Variants in SLC22A14 observed in about 807,000 individuals in gnomAD.
SLC22A14 encodes organic cation transporter-like 4.
A neutral mutation model predicts 53.9 loss-of-function variants in SLC22A14; 50 were observed. The observed-to-expected ratio is 0.93, with a 90% CI of 0.74 to 1.17. The LOEUF is 1.17. Among genes scored for constraint, SLC22A14 ranks in the 50% most tolerant of loss-of-function variants. SLC22A14 has a pLI of 0.00. For synonymous variants in SLC22A14, 312 were observed against 303.0 expected (o/e 1.03, Z -0.31); for missense variants, 671 against 734.7 (o/e 0.91, Z 1.00).
chr3:38,318,313 C>A lies in SLC22A14; in HGVS notation c.*64C>A. The A allele has an allele frequency of 1.4e-6, 2 of 1,430,140 alleles. No individual in the cohort carries two copies. Among genetic ancestry groups the A allele is most frequent in the Non-Finnish European group, 2.0e-6 (2 of 1,012,150 alleles). The allele number at this position is 1,430,140 out of a possible 1,614,324, so 88.6% of individuals were successfully genotyped here. On this transcript the variant is annotated 3_prime_UTR_variant, in exon 11 of 11. Transcript: ENST00000448498. ...TGAGATTGGACCCATACCCTGTCTCCAACCCTGCCTTGAAGCAATTCAATA... is the reference window on the plus strand; with the variant it reads ...TGAGATTGGACCCATACCCTGTCTCAAACCCTGCCTTGAAGCAATTCAATA...
chr3:38,316,184 A>G (rs555991144), intron 9 of SLC22A14, 140 bp from the exon 10 acceptor site: 1 of 734,438 alleles, frequency 1.4e-6, no homozygotes, highest in African/African-American at 1.8e-5. Flanking sequence ...GCCCAGAAGA[A>G]ATTATTGCCT....
Position 38,316,418 on chromosome 3 carries a change from T to A in SLC22A14, c.1627T>A (p.Phe543Ile). The A allele has an allele frequency of 1.2e-6, 2 of 1,614,176 alleles. No individual in the cohort carries two copies. Among genetic ancestry groups the A allele is most frequent in the South Asian group, 2.2e-5 (2 of 91,080 alleles). The change falls in exon 10 of 11, where the codon TTT becomes ATT. Residue 543 changes from phenylalanine (F) to isoleucine (I), a missense_variant. By Grantham distance (21) the Phe-to-Ile change is conservative. Transcript: ENST00000448498. ...CCAGACCCCCTCCCTCCTGCCCATC[T>A]TTCTCTGCTGCGTCTTAGCCATCGT... ...ISQTPSLLPI[F>I]LCCVLAIVAF...
At chr3:38,283,549 G>A (rs554478755) in intron 1 of SLC22A14, among the ~76,000 whole-genome samples, 3 of 152,340 alleles carry the variant, frequency 2.0e-5, no homozygotes, top group African/African-American at 7.2e-5. Flanking sequence ...AGTAGCAGGA[G>A]CCGGGTGCAG....
intron 6 of SLC22A14, 51 bp downstream of exon 6, chr3:38,313,170 GC>G (rs1559554014): frequency 1.9e-6 from 3 of 1,599,540 alleles, no homozygotes; most frequent in Non-Finnish European, 2.6e-6. Context: ...CTGTGGAAGG[GC>G]CCCTTCCCTC....
chr3:38,282,604 G>T (rs1432162071), intron 1 of SLC22A14, among the ~76,000 whole-genome samples: 6 of 152,130 alleles, frequency 3.9e-5, no homozygotes, highest in African/African-American at 1.4e-4. Context: ...CTTCTCCCAG[G>T]CCTCAGTTAC....
At chr3:38,285,492 G>A (rs1703772445) in intron 1 of SLC22A14, among the ~76,000 whole-genome samples, 1 of 152,096 alleles carries the variant, frequency 6.6e-6, no homozygotes, top group Non-Finnish European at 1.5e-5. Context: ...TTTATTGCAT[G>A]ACATACTGAA....
At chr3:38,309,166 G>A (rs1202631793) in intron 5 of SLC22A14, 44 bp downstream of exon 5, 2 of 1,549,684 alleles carry the variant, frequency 1.3e-6, no homozygotes, top group Non-Finnish European at 8.9e-7. Context: ...GGGTCTGATG[G>A]GCTGGATGTC....
intron 1 of SLC22A14, among the ~76,000 whole-genome samples, chr3:38,284,277 TGGCCCTAGCCTTGGCTAG>T (rs1286082638): frequency 6.6e-6 from 1 of 152,224 alleles, no homozygotes; most frequent in Non-Finnish European, 1.5e-5. Context: ...CTTCTGAAAG[TGGCCCTAGCCTTGGCTAG>T]GGCTAGTGGG....
chr3:38,318,080 T>A, intron 10 of SLC22A14, 118 bp from the exon 11 acceptor site: 3 of 872,288 alleles, frequency 3.4e-6, no homozygotes, highest in Non-Finnish European at 3.8e-6. Context: ...CCTGCCGGAG[T>A]GAGAAAGCCT....
chr3:38,318,337 TAAAG>T lies in SLC22A14; in HGVS notation c.*90_*93del. The T allele has an allele frequency of 3.8e-6, 5 of 1,298,750 alleles. No individual in the cohort carries two copies. Among genetic ancestry groups the T allele is most frequent in the Non-Finnish European group, 5.6e-6 (5 of 894,404 alleles). 80.5% of individuals were successfully genotyped at this position (1,298,750 alleles called of 1,614,324 possible). A position where few individuals can be genotyped will look rare whatever the true frequency, so the allele number is the denominator to read the frequency against. ...CCAACCCTGCCTTGAAGCAATTCAA[TAAAG>T]AGGAAGCAAACAGCCAGGCTCCCTG... On this transcript the variant is annotated 3_prime_UTR_variant, in exon 11 of 11. Coordinates refer to ENST00000448498, the MANE Select transcript of SLC22A14 (RefSeq NM_001320033.2).
chr3:38,296,551 TG>T (rs1209927513), intron 1 of SLC22A14, among the ~76,000 whole-genome samples: 5 of 150,754 alleles, frequency 3.3e-5, no homozygotes, highest in Admixed American at 2.0e-4. Context: ...AAAATGTTAC[TG>T]GGGGTCCTTG....
intron 1 of SLC22A14, among the ~76,000 whole-genome samples, chr3:38,292,668 C>T (rs1330975108): frequency 6.6e-6 from 1 of 152,062 alleles, no homozygotes; most frequent in African/African-American, 2.4e-5. Context: ...TTAATTTGAA[C>T]AGGACGGGAA....
At chr3:38,291,435 A>G (rs1319499173) in intron 1 of SLC22A14, among the ~76,000 whole-genome samples, 1 of 152,228 alleles carries the variant, frequency 6.6e-6, no homozygotes, top group East Asian at 1.9e-4. Flanking sequence ...AGAGGCTGAT[A>G]TTTAAGCAAA....
At position 38,313,078 on chromosome 3, in the gene SLC22A14, A is replaced by G. The variant is rs201930190; in HGVS notation, c.1024A>G (p.Ser342Gly). Residue 342 changes from serine to glycine, a missense_variant, in exon 6 of 11, where the codon AGT becomes GGT. Transcript: ENST00000448498. ...CAAGCAGGTGCTGTGCTACGCCGCA[A>G]GTGTGAACAAGAAGACCATTCCTTC... Reference protein sequence around the residue: ...EAKQVLCYAASVNKKTIPSNL... With the variant: ...EAKQVLCYAAGVNKKTIPSNL... 1.6e-5 allele frequency: 26 copies of G among 1,606,748 alleles called. No homozygotes were observed. Among genetic ancestry groups the G allele is most frequent in the African/African-American group, 4.0e-5 (3 of 75,000 alleles).
At chr3:38,301,220 G>T (rs1704153101) in intron 1 of SLC22A14, among the ~76,000 whole-genome samples, 1 of 152,328 alleles carries the variant, frequency 6.6e-6, no homozygotes, top group African/African-American at 2.4e-5. Context: ...ACATGTGCAA[G>T]ACATAAACAA....
intron 1 of SLC22A14, among the ~76,000 whole-genome samples, chr3:38,292,474 C>T (rs1311142288): frequency 6.6e-6 from 1 of 152,096 alleles, no homozygotes; most frequent in Non-Finnish European, 1.5e-5. Flanking sequence ...TCCTGAGATC[C>T]TGCACTAACC....
intron 1 of SLC22A14, among the ~76,000 whole-genome samples, chr3:38,291,875 A>G (rs1027953831): frequency 1.8e-4 from 27 of 152,220 alleles, no homozygotes; most frequent in African/African-American, 6.0e-4. Context: ...CTATTTCGCC[A>G]TACCTGGGAA....
At chr3:38,280,016 A>C (rs1301892773), upstream of SLC22A14, among the ~76,000 whole-genome samples, 1 of 152,202 alleles carries the variant, frequency 6.6e-6, no homozygotes, top group Non-Finnish European at 1.5e-5. Context: ...AATAGGTTGG[A>C]ACCAATGTGG....
Position 38,307,551 on chromosome 3 carries a change from C to A in SLC22A14, c.621-15C>A, listed in dbSNP as rs778693889. On this transcript the variant is annotated splice_polypyrimidine_tract_variant and intron_variant, in intron 3 of 10. Coordinates refer to ENST00000448498, the MANE Select transcript of SLC22A14 (RefSeq NM_001320033.2). This position sits in a 1 kb window ranked among gnomAD's most constrained non-coding sequence, Gnocchi z 4.4. ...GATCCCGGCACTTGGTGCAGCCTCC[C>A]TTTGACACCTGTAGGATGGGCCGCT... The A allele has an allele frequency of 1.2e-6, 2 of 1,612,520 alleles. No homozygotes were observed. The highest frequency in any genetic ancestry group is 2.2e-5 in the East Asian group (1 of 44,876).
Sources: allele counts gnomAD v4.1 joint callset (sites outside exome capture counted in the v4.1 genomes callset), GRCh38; gene constraint gnomAD v4.1.1; non-coding constraint Gnocchi (gnomAD v3.1); transcripts MANE v1.5; gene names NCBI Gene and HGNC (gene_info 2026-07-23, HGNC 2026-07-21).